MACF1: variants seen among roughly 807,000 people sequenced by gnomAD.
The protein encoded by MACF1 is microtubule-actin cross-linking factor 1.
In MACF1, 193 loss-of-function variants were observed where a neutral mutation model predicts 854.8. That is an observed-to-expected ratio of 0.23 (90% confidence interval 0.20 to 0.25). The LOEUF is 0.25. Among genes scored for constraint, MACF1 ranks in the 10% least tolerant of loss-of-function variants. The pLI, the probability that MACF1 is intolerant of heterozygous loss-of-function variation, is 1.00. For missense variants in MACF1, 7,722 were observed against 8,929.1 expected, an observed-to-expected ratio of 0.86 and a Z score of 5.45; for synonymous variants, 3,185 against 3,226.7, an observed-to-expected ratio of 0.99 and a Z score of 0.44.
chr1:39,443,367 T>C (rs1644158455), intron 78 of MACF1, 79 bp from the exon 79 acceptor site: 2 of 1,465,908 alleles, frequency 1.4e-6, no homozygotes, highest in Admixed American at 4.5e-5. Context: ...CAAGATAAAC[T>C]CCTCATATCA....
At chr1:39,272,051 A>G (rs746473445) in intron 6 of MACF1, among the ~76,000 whole-genome samples, 4 of 152,206 alleles carry the variant, frequency 2.6e-5, no homozygotes, top group Non-Finnish European at 5.9e-5. Context: ...CTGCAGACAC[A>G]GTCATACTAC....
intron 68 of MACF1, 118 bp downstream of exon 68, chr1:39,433,273 T>C: frequency 1.7e-6 from 1 of 581,096 alleles, no homozygotes; most frequent in South Asian, 2.6e-5. Flanking sequence ...TTATGATTGT[T>C]ATTAAAGTCC....
At chr1:39,437,649 C>A in intron 70 of MACF1, 128 bp from the exon 71 acceptor site, 1 of 814,288 alleles carries the variant, frequency 1.2e-6, no homozygotes. Flanking sequence ...ACTTAATAGC[C>A]ATTGGGCTAA....
rs749406888 is a variant in MACF1 at position 39,333,506 on chromosome 1, C to A, written c.6918C>A (p.Leu2306=). 2.7e-5 allele frequency: 44 copies of A among 1,614,132 alleles called. No homozygotes were observed. Among genetic ancestry groups the A allele is most frequent in the Non-Finnish European group, 3.6e-5 (43 of 1,180,008 alleles). Residue 2306 remains leucine, a synonymous_variant, in exon 37 of 101, where the codon CTC becomes CTA. Transcript: ENST00000564288. ...GIFHEQTGQK[L]LLNEAISRGI... Reference sequence around the variant, plus strand: ...TTCATGAACAAACAGGTCAAAAGCTCTTACTAAATGAAGCAATATCCCGAG... The same window carrying A: ...TTCATGAACAAACAGGTCAAAAGCTATTACTAAATGAAGCAATATCCCGAG...
chr1:39,104,648 T>G (rs1642173483), intron 2 of MACF1, among the ~76,000 whole-genome samples: 1 of 152,208 alleles, frequency 6.6e-6, no homozygotes, highest in Admixed American at 6.5e-5. Context: ...GCATTCAGAA[T>G]CCCGTTTTCG....
At position 39,388,445 on chromosome 1, in the gene MACF1, G is replaced by T; in HGVS notation, c.15603G>T (p.Glu5201Asp). 3 of 1,614,110 alleles carry T rather than the reference G, an allele frequency of 1.9e-6. No individual in the cohort carries two copies. Among genetic ancestry groups the T allele is most frequent in the South Asian group, 1.1e-5 (1 of 91,072 alleles). Residue 5201 changes from glutamate (E) to aspartate (D), a missense_variant, in exon 58 of 101, where the codon GAG (glutamate) becomes GAT (aspartate). Glu to Asp is a conservative substitution (Grantham distance 45). Transcript: ENST00000564288. Reference sequence around the variant, plus strand: ...TGGATTTGTTAGGTCTCAAAAGGGAGCTAGAAGCCCTGAACAAACAGTGTG... The same window carrying T: ...TGGATTTGTTAGGTCTCAAAAGGGATCTAGAAGCCCTGAACAAACAGTGTG... Reference protein sequence around the residue: ...GTLDLLGLKRELEALNKQCGK... With the variant: ...GTLDLLGLKRDLEALNKQCGK...
intron 61 of MACF1, among the ~76,000 whole-genome samples, chr1:39,425,425 T>TTAA (rs1643693861): frequency 6.6e-6 from 1 of 152,176 alleles, no homozygotes; most frequent in Admixed American, 6.5e-5. Flanking sequence ...TCAGAGATAT[T>TTAA]TAATTGACTC....
intron 58 of MACF1, among the ~76,000 whole-genome samples, chr1:39,415,902 G>T (rs1320276709): frequency 6.6e-6 from 1 of 152,178 alleles, no homozygotes; most frequent in African/African-American, 2.4e-5. Flanking sequence ...ACTCAAAATA[G>T]TGCCTTCTTC....
In MACF1 at chr1:39,300,246, G is replaced by A. The variant is rs769186880; in HGVS notation, c.2518G>A (p.Val840Ile). 1.6e-5 allele frequency: 26 copies of A among 1,613,742 alleles called. No individual in the cohort carries two copies. The highest frequency in any genetic ancestry group is 6.7e-5 in the East Asian group (3 of 44,888). The change falls in exon 22 of 101, where the codon GTT (valine) becomes ATT (isoleucine). Residue 840 changes from valine to isoleucine, a missense_variant. Coordinates refer to ENST00000564288, the MANE Select transcript of MACF1 (RefSeq NM_001394062.1). The stretch of plus-strand genomic sequence containing the variant: ...GCAGCTTATACAGTCCAAGAGTTCC[G>A]TTGCCAGTCTCGTTGGGAGATCAAA... Reference protein sequence around the residue: ...KEQLIQSKSSVASLVGRSKTI... With the variant: ...KEQLIQSKSSIASLVGRSKTI...
intron 2 of MACF1, among the ~76,000 whole-genome samples, chr1:39,099,727 C>T (rs1022772103): frequency 6.6e-6 from 1 of 152,180 alleles, no homozygotes; most frequent in African/African-American, 2.4e-5. Flanking sequence ...GCATCCATTC[C>T]TTCAGCAAAT....
intron 63 of MACF1, 61 bp from the exon 64 acceptor site, chr1:39,429,181 T>C: frequency 2.4e-6 from 2 of 843,534 alleles, no homozygotes; most frequent in Non-Finnish European, 4.0e-6. Flanking sequence ...CTTAAAGGTC[T>C]CGCATTTTGT....
chr1:39,143,623 ACTT>A (rs150413410), intron 2 of MACF1, among the ~76,000 whole-genome samples: 2,547 of 152,192 alleles, frequency 0.017, 71 homozygotes, highest in African/African-American at 0.058. Flanking sequence ...TGTTAAGTAT[ACTT>A]CTTATGCAGG....
At chr1:39,297,141 A>T (rs1645939311) in intron 20 of MACF1, among the ~76,000 whole-genome samples, 1 of 151,982 alleles carries the variant, frequency 6.6e-6, no homozygotes, top group Admixed American at 6.6e-5. Context: ...TTAGCCAAGA[A>T]GGTCTCGATC....
At chr1:39,216,690 A>G (rs924944667) in intron 1 of MACF1, among the ~76,000 whole-genome samples, 1 of 136,860 alleles carries the variant, frequency 7.3e-6, no homozygotes, top group African/African-American at 2.7e-5. Context: ...TTTTTTTTTT[A>G]TCTTTCCTGT....
intron 70 of MACF1, chr1:39,436,590 T>C: frequency 8.9e-7 from 1 of 1,121,944 alleles, no homozygotes; most frequent in Non-Finnish European, 1.4e-6. Flanking sequence ...GTGGAATAAA[T>C]TTAATTAGTG....
chr1:39,452,136 TCTC>T lies in MACF1; in HGVS notation c.20419-17_20419-15del. ...CAAAACATTCCTTGAACAAACAAAT[TCTC>T]CTATTTTCTTTTCTAGGTTTTCCAG... is the stretch of plus-strand genomic sequence containing the variant. On this transcript the variant is annotated splice_polypyrimidine_tract_variant and intron_variant, in intron 85 of 100. Coordinates refer to ENST00000564288, the MANE Select transcript of MACF1 (RefSeq NM_001394062.1). 4.5e-6 allele frequency: 7 copies of T among 1,566,554 alleles called. No homozygotes were observed. Among genetic ancestry groups the T allele is most frequent in the Non-Finnish European group, 6.1e-6 (7 of 1,156,072 alleles).
At chr1:39,370,744 G>T (rs1439536194) in intron 51 of MACF1, among the ~76,000 whole-genome samples, 1 of 152,170 alleles carries the variant, frequency 6.6e-6, no homozygotes, top group Admixed American at 6.5e-5. Flanking sequence ...CAGAGTGAGT[G>T]CCAGGAGCAT....
chr1:39,296,776 G>GCA (rs1294687903), intron 20 of MACF1, among the ~76,000 whole-genome samples: 1 of 81,374 alleles, frequency 1.2e-5, no homozygotes. Context: ...GGAAGGAAAA[G>GCA]AAAGAAAGAA....
intron 58 of MACF1, among the ~76,000 whole-genome samples, chr1:39,399,516 A>T (rs899118489): frequency 6.6e-6 from 1 of 151,866 alleles, no homozygotes; most frequent in East Asian, 1.9e-4. Context: ...CTGGGATTAC[A>T]GGCACGCACC....
Sources: gnomAD v4.1 joint callset for allele counts (sites outside exome capture counted in the v4.1 genomes callset) on GRCh38, gnomAD v4.1.1 for gene constraint, MANE v1.5 for transcripts, NCBI Gene and HGNC (gene_info 2026-07-23, HGNC 2026-07-21) for gene names.